HOOK3: variants seen among roughly 807,000 people sequenced by gnomAD.
HOOK3 encodes hook microtubule tethering protein 3.
HOOK3 carries 24 observed loss-of-function variants against 116.3 expected under a neutral mutation model. The observed-to-expected ratio is 0.21, with a 90% CI of 0.15 to 0.29. The LOEUF is 0.29. Among genes scored for constraint, HOOK3 ranks in the 10% least tolerant of loss-of-function variants. HOOK3 has a pLI of 1.00. For missense variants in HOOK3, 632 were observed against 830.2 expected (o/e 0.76, Z 2.93); for synonymous variants, 275 against 283.0 (o/e 0.97, Z 0.28).
rs1809834747 is a variant in HOOK3 at position 43,021,776 on chromosome 8, C to T, written c.*3278C>T. On this transcript the variant is annotated 3_prime_UTR_variant, in exon 22 of 22. Coordinates refer to ENST00000307602, the MANE Select transcript of HOOK3 (RefSeq NM_032410.4). ...CTCCGCCTCCCGGGTTCACGCCATT[C>T]TCCTGCCTCAGCCTCCTGAGTAGCG... The T allele has an allele frequency of 6.4e-6, 1 of 157,102 alleles. No homozygotes were observed. Among genetic ancestry groups the T allele is most frequent in the Admixed American group, 6.5e-5 (1 of 15,314 alleles). 9.7% of individuals were successfully genotyped at this position (157,102 alleles called of 1,614,324 possible).
rs1809851050 is a variant in HOOK3 at position 43,022,636 on chromosome 8, C to T, written c.*4138C>T. 5.4e-6 allele frequency: 1 copy of T among 183,618 alleles called. No homozygotes were observed. Among genetic ancestry groups the T allele is most frequent in the African/African-American group, 2.4e-5 (1 of 42,502 alleles). 11.4% of individuals were successfully genotyped at this position (183,618 alleles called of 1,614,324 possible). On this transcript the variant is annotated 3_prime_UTR_variant, in exon 22 of 22. Coordinates refer to ENST00000307602, the MANE Select transcript of HOOK3 (RefSeq NM_032410.4). ...ATATCTGAAAAGAGAATCAAGTATA[C>T]AATTGTACATATTTTTAAAGAACTT...
chr8:42,925,519 A>G, intron 2 of HOOK3, 38 bp from the exon 3 acceptor site: 1 of 1,348,384 alleles, frequency 7.4e-7, no homozygotes. Context: ...CTTGATAGCT[A>G]CATGATTTTA....
chr8:42,950,941 T>C (rs1808327348), intron 6 of HOOK3, among the ~76,000 whole-genome samples: 1 of 152,216 alleles, frequency 6.6e-6, no homozygotes, highest in Admixed American at 6.5e-5. Flanking sequence ...CGCCTTGGCC[T>C]CCCAAAGTGC....
Position 43,029,338 on chromosome 8 carries a change from C to T in HOOK3, c.*10840C>T, listed in dbSNP as rs778635574. On this transcript the variant is annotated 3_prime_UTR_variant, in exon 22 of 22. Coordinates refer to ENST00000307602, the MANE Select transcript of HOOK3 (RefSeq NM_032410.4). Reference sequence around the variant, plus strand: ...CTAATTTTTGTATTTTTAGTAGAGACGGGGTTTCACCTTGTTGGCCAGGAT... The same window carrying T: ...CTAATTTTTGTATTTTTAGTAGAGATGGGGTTTCACCTTGTTGGCCAGGAT... 14 of 165,590 alleles carry T rather than the reference C, an allele frequency of 8.5e-5. No homozygotes were observed. Among genetic ancestry groups the T allele is most frequent in the South Asian group, 2.0e-4 (1 of 4,934 alleles). The allele number at this position is 165,590 out of a possible 1,614,324, so 10.3% of individuals were successfully genotyped here. A position where few individuals can be genotyped will look rare whatever the true frequency, so the allele number is the denominator to read the frequency against.
intron 8 of HOOK3, among the ~76,000 whole-genome samples, chr8:42,963,054 G>A (rs866724030): frequency 6.6e-6 from 1 of 151,810 alleles, no homozygotes. Context: ...CACCCACCTC[G>A]GCCTCCCAAA....
At chr8:42,897,238 A>C (rs1275162912) in intron 1 of HOOK3, 50 bp downstream of exon 1, 3 of 1,173,962 alleles carry the variant, frequency 2.6e-6, no homozygotes, top group African/African-American at 3.2e-5. Context: ...CCCGCCACCT[A>C]CCGGGACCCT....
At chr8:42,977,759 C>T (rs1431925384) in intron 13 of HOOK3, among the ~76,000 whole-genome samples, 1 of 152,010 alleles carries the variant, frequency 6.6e-6, no homozygotes, top group Non-Finnish European at 1.5e-5. Flanking sequence ...CCTAGCTACT[C>T]GAGAGGCTAA....
chr8:43,008,306 C>G (rs1323723109), intron 18 of HOOK3, among the ~76,000 whole-genome samples: 1 of 152,118 alleles, frequency 6.6e-6, no homozygotes, highest in Non-Finnish European at 1.5e-5. Context: ...ACATGAGCCA[C>G]TGTGCCCAGC....
At chr8:42,944,151 A>T (rs1808180290) in intron 5 of HOOK3, among the ~76,000 whole-genome samples, 1 of 152,206 alleles carries the variant, frequency 6.6e-6, no homozygotes, top group African/African-American at 2.4e-5. Flanking sequence ...ACGGTGGCTC[A>T]TGCCTGTGAT....
intron 6 of HOOK3, among the ~76,000 whole-genome samples, chr8:42,952,137 C>G (rs1808356348): frequency 1.3e-5 from 2 of 152,274 alleles, no homozygotes; most frequent in African/African-American, 4.8e-5. Flanking sequence ...TCAGGGGTCT[C>G]CAGGCCACCC....
At chr8:43,002,270 T>A (rs1351166795) in intron 17 of HOOK3, 129 bp downstream of exon 17, 1 of 609,446 alleles carries the variant, frequency 1.6e-6, no homozygotes, top group East Asian at 2.9e-5. Context: ...TAATACATAT[T>A]ATGAGAGTCT....
intron 2 of HOOK3, among the ~76,000 whole-genome samples, chr8:42,920,664 A>C (rs995075842): frequency 5.9e-5 from 9 of 152,204 alleles, no homozygotes; most frequent in African/African-American, 2.2e-4. Flanking sequence ...ACAGGGCCTT[A>C]GTGTTTTGCT....
intron 7 of HOOK3, 57 bp downstream of exon 7, chr8:42,957,213 A>T (rs1808453326): frequency 9.8e-7 from 1 of 1,017,194 alleles, no homozygotes; most frequent in East Asian, 2.6e-5. Context: ...TAAGCATCAG[A>T]TGTTAATGAG....
chr8:42,916,323 A>G (rs1467978257), intron 2 of HOOK3, among the ~76,000 whole-genome samples: 1 of 152,178 alleles, frequency 6.6e-6, no homozygotes, highest in Non-Finnish European at 1.5e-5. Context: ...TTTTGTTTTC[A>G]AGAAGGGTTT....
intron 14 of HOOK3, among the ~76,000 whole-genome samples, chr8:42,985,464 C>G (rs1240621653): frequency 1.3e-5 from 2 of 151,830 alleles, no homozygotes; most frequent in Admixed American, 6.6e-5. Context: ...CTGTGTGATC[C>G]CATTTGAAAA....
intron 18 of HOOK3, among the ~76,000 whole-genome samples, chr8:43,009,331 A>T (rs1298413161): frequency 6.6e-6 from 1 of 151,884 alleles, no homozygotes; most frequent in Non-Finnish European, 1.5e-5. Context: ...GCTTGAGCCC[A>T]GGAGGCAGAG....
At chr8:42,986,547 C>T (rs1225210537) in intron 14 of HOOK3, 108 bp from the exon 15 acceptor site, 6 of 718,044 alleles carry the variant, frequency 8.4e-6, no homozygotes, top group Non-Finnish European at 1.3e-5. Context: ...CATTTCTGTT[C>T]TGGTATTAAA....
At chr8:42,997,428 T>A in intron 15 of HOOK3, 122 bp from the exon 16 acceptor site, 1 of 625,568 alleles carries the variant, frequency 1.6e-6, no homozygotes, top group Non-Finnish European at 2.9e-6. Context: ...ACTACTATAC[T>A]ACTACTGCTA....
intron 2 of HOOK3, among the ~76,000 whole-genome samples, chr8:42,907,048 A>G (rs1317222622): frequency 6.6e-6 from 1 of 152,228 alleles, no homozygotes; most frequent in Non-Finnish European, 1.5e-5. Flanking sequence ...TTATATGACT[A>G]TCAGCTTTTG....
Sources: allele counts gnomAD v4.1 joint callset (sites outside exome capture counted in the v4.1 genomes callset), GRCh38; gene constraint gnomAD v4.1.1; transcripts MANE v1.5; gene names NCBI Gene and HGNC (gene_info 2026-07-23, HGNC 2026-07-21).